TDRD5: variants seen among roughly 807,000 people sequenced by gnomAD.
The protein encoded by TDRD5 is tudor domain-containing protein 5.
A neutral mutation model predicts 120.6 loss-of-function variants in TDRD5; 41 were observed. That is an observed-to-expected ratio of 0.34 (90% confidence interval 0.26 to 0.44). The LOEUF (loss-of-function observed/expected upper bound fraction) is 0.44. Among genes scored for constraint, TDRD5 ranks in the 20% least tolerant of loss-of-function variants. The pLI is 1.00. For missense variants in TDRD5, 1,006 were observed against 1,221.2 expected (o/e 0.82, Z 2.63); for synonymous variants, 430 against 433.7 (o/e 0.99, Z 0.11).
chr1:179,675,179 A>G (rs561250570), intron 17 of TDRD5, among the ~76,000 whole-genome samples: 91 of 151,122 alleles, frequency 6.0e-4, no homozygotes, highest in Non-Finnish European at 1.0e-3. Context: ...ATTTAATGCT[A>G]TGAACTTTCC....
Position 179,630,911 on chromosome 1 carries a change from C to G in TDRD5, c.1117C>G (p.Leu373Val), listed in dbSNP as rs760878417. The G allele has an allele frequency of 6.2e-7, 1 of 1,612,422 alleles. No homozygotes were observed. The highest frequency in any genetic ancestry group is 1.3e-5 in the African/African-American group (1 of 74,814). Residue 373 changes from leucine to valine, a missense_variant, in exon 7 of 18, where the codon CTA (leucine) becomes GTA (valine). Physicochemically the swap from Leu to Val is conservative, Grantham distance 32 (BLOSUM62 1). Coordinates refer to ENST00000444136, the MANE Select transcript of TDRD5 (RefSeq NM_001199085.3). ...AGTGTTTGATGCGGATAAGAAGCCT[C>G]TACCACCTGGTGAGTGGAACCACAG... ...LLVFDADKKPLPPVQSDKKIE... is the reference protein window; with the variant it reads ...LLVFDADKKPVPPVQSDKKIE...
intron 5 of TDRD5, 100 bp from the exon 6 acceptor site, chr1:179,620,933 AAT>A: frequency 1.1e-6 from 1 of 904,420 alleles, no homozygotes; most frequent in South Asian, 1.9e-5. Context: ...TTCATTTAAT[AAT>A]GTTACTTTTG....
At chr1:179,645,543 CTT>C (rs780600898) in intron 11 of TDRD5, among the ~76,000 whole-genome samples, 3 of 152,204 alleles carry the variant, frequency 2.0e-5, no homozygotes, top group Admixed American at 6.5e-5. Flanking sequence ...GTGGTGTCTT[CTT>C]AAAAAGTGTA....
At chr1:179,673,926 T>C (rs1679982813) in intron 17 of TDRD5, among the ~76,000 whole-genome samples, 1 of 152,224 alleles carries the variant, frequency 6.6e-6, no homozygotes, top group African/African-American at 2.4e-5. Flanking sequence ...GCTGAATTCA[T>C]TTACCAGTTC....
At chr1:179,619,066 A>C (rs1388349785) in intron 5 of TDRD5, among the ~76,000 whole-genome samples, 2 of 152,142 alleles carry the variant, frequency 1.3e-5, no homozygotes, top group Non-Finnish European at 2.9e-5. Context: ...GATTGATTAA[A>C]GTTTTGGTGT....
At chr1:179,620,946 C>G in intron 5 of TDRD5, 89 bp from the exon 6 acceptor site, 1 of 1,010,256 alleles carries the variant, frequency 9.9e-7, no homozygotes, top group Non-Finnish European at 1.4e-6. Context: ...GTTACTTTTG[C>G]CTTTGTTGTT....
chr1:179,617,955 A>G (rs563645788), intron 4 of TDRD5, among the ~76,000 whole-genome samples: 2 of 152,180 alleles, frequency 1.3e-5, no homozygotes, highest in East Asian at 1.9e-4. Flanking sequence ...CCTTAACTTT[A>G]TTTTCCCACC....
At chr1:179,660,220 T>G (rs1204196575) in intron 14 of TDRD5, among the ~76,000 whole-genome samples, 7 of 126,432 alleles carry the variant, frequency 5.5e-5, no homozygotes, top group African/African-American at 1.2e-4. Flanking sequence ...GGTTTTTTTT[T>G]TTTTTTTTTT....
intron 16 of TDRD5, 63 bp from the exon 17 acceptor site, chr1:179,669,131 A>G (rs1679722735): frequency 7.1e-7 from 1 of 1,411,188 alleles, no homozygotes; most frequent in Non-Finnish European, 9.7e-7. Context: ...GTAAGGAAAT[A>G]GGGCTTAATT....
Position 179,684,998 on chromosome 1 carries a change from TG to T in TDRD5, c.2861-5697del, listed in dbSNP as rs1462231395. Among the ~76,000 whole-genome samples, 3 of 151,734 alleles carry T rather than the reference TG, an allele frequency of 2.0e-5. No homozygotes were observed. In the East Asian group the frequency reaches 5.9e-4, roughly 30 times the overall value. ...ATTTTCTCCCATTCTGTAGGTTGCC[TG>T]TTCACTCTAATGGTAGTCTCTTTTG... is the stretch of plus-strand genomic sequence containing the variant. On this transcript the variant is annotated intron_variant, in intron 17 of 17. Transcript: ENST00000444136.
chr1:179,611,721 C>T (rs1248212930), intron 4 of TDRD5, among the ~76,000 whole-genome samples: 1 of 152,164 alleles, frequency 6.6e-6, no homozygotes, highest in Non-Finnish European at 1.5e-5. Flanking sequence ...GACATTTGCT[C>T]ATGGCATGGC....
chr1:179,621,217 C>T (rs61826406), intron 6 of TDRD5, 126 bp downstream of exon 6: 151,951 of 719,938 alleles, frequency 0.21, 17,971 homozygotes, highest in Non-Finnish European at 0.24. Flanking sequence ...TTTTGTTTTG[C>T]ATTTTAGTAT....
In TDRD5 at chr1:179,690,835, C is replaced by G; in HGVS notation, c.3000C>G (p.Leu1000=). The change falls in exon 18 of 18, where the codon CTC becomes CTG. Residue 1000 remains leucine, a synonymous_variant. Coordinates refer to ENST00000444136, the MANE Select transcript of TDRD5 (RefSeq NM_001199085.3). ...LSYECQISQK[L]YIPRSTATAA... is the part of the protein sequence containing the mutation. ...ATGAGTGCCAGATTTCTCAGAAGCT[C>G]TACATTCCTCGAAGTACAGCCACTG... 2 of 1,614,190 alleles carry G rather than the reference C, an allele frequency of 1.2e-6. No homozygotes were observed. Among genetic ancestry groups the G allele is most frequent in the Non-Finnish European group, 8.5e-7 (1 of 1,180,026 alleles).
At chr1:179,607,358 T>C (rs1676034915) in intron 4 of TDRD5, among the ~76,000 whole-genome samples, 1 of 152,138 alleles carries the variant, frequency 6.6e-6, no homozygotes, top group Non-Finnish European at 1.5e-5. Flanking sequence ...ATAGATGATG[T>C]GATCTGTGAA....
chr1:179,619,678 C>T (rs919266442), intron 5 of TDRD5, among the ~76,000 whole-genome samples: 12 of 151,466 alleles, frequency 7.9e-5, no homozygotes, highest in African/African-American at 1.2e-4. Context: ...GCTGGAATGC[C>T]GTGGTGCAAT....
chr1:179,593,912 G>A (rs763247798), intron 3 of TDRD5, 45 bp downstream of exon 3: 4 of 1,576,670 alleles, frequency 2.5e-6, no homozygotes, highest in Non-Finnish European at 3.4e-6. Flanking sequence ...CACATAGAGG[G>A]GTGTGTAATC....
At chr1:179,648,033 G>A (rs1374683507) in intron 11 of TDRD5, among the ~76,000 whole-genome samples, 1 of 152,110 alleles carries the variant, frequency 6.6e-6, no homozygotes, top group Non-Finnish European at 1.5e-5. Context: ...GTGGAAGTCA[G>A]TGTGGCGATT....
Position 179,593,512 on chromosome 1 carries a change from G to C in TDRD5, c.285G>C (p.Arg95Ser). ...TAGCAAGCTTAGTTGCAAAACAGAG[G>C]AGCAGCCATAAGCTTCGAAACTCAA... The part of the protein sequence containing the change: ...KGIASLVAKQ[R>S]SSHKLRNSMH... Residue 95 changes from arginine to serine, a missense_variant, in exon 3 of 18, where the codon AGG becomes AGC. By Grantham distance (110) the Arg-to-Ser change is moderately radical. Around this residue, in one of 3 missense-constraint regions of TDRD5, gnomAD observed 445 missense variants for 515.5 expected, o/e 0.86. Transcript: ENST00000444136. 6.2e-7 allele frequency: 1 copy of C among 1,614,128 alleles called. No homozygotes were observed. The highest frequency in any genetic ancestry group is 8.5e-7 in the Non-Finnish European group (1 of 1,180,008).
At chr1:179,597,253 T>A (rs905941594) in intron 4 of TDRD5, among the ~76,000 whole-genome samples, 1 of 152,144 alleles carries the variant, frequency 6.6e-6, no homozygotes, top group Non-Finnish European at 1.5e-5. Flanking sequence ...CTTCATTTCC[T>A]TAATCCTGTC....
Sources: gnomAD v4.1 joint callset for allele counts (sites outside exome capture counted in the v4.1 genomes callset) on GRCh38, gnomAD v4.1.1 for gene constraint, gnomAD v4.1.1 regional missense constraint, MANE v1.5 for transcripts, NCBI Gene and HGNC (gene_info 2026-07-23, HGNC 2026-07-21) for gene names.